The following RABGAP1L variants were observed in gnomAD, a reference collection of about 807,000 sequenced individuals.
The protein encoded by RABGAP1L is RAB GTPase activating protein 1 like.
In RABGAP1L, 63 loss-of-function variants were observed where a neutral mutation model predicts 137.7. The observed-to-expected ratio is 0.46, with a 90% CI of 0.37 to 0.56. RABGAP1L has a LOEUF of 0.56. RABGAP1L is among the 20% of genes least tolerant of loss of function. The pLI, the probability that RABGAP1L is intolerant of heterozygous loss-of-function variation, is 0.00. For synonymous variants in RABGAP1L, 431 were observed against 433.7 expected (o/e 0.99, Z 0.08); for missense variants, 1,095 against 1,244.0 (o/e 0.88, Z 1.80).
At chr1:174,705,008 G>A (rs940280616) in intron 17 of RABGAP1L, among the ~76,000 whole-genome samples, 2 of 152,054 alleles carry the variant, frequency 1.3e-5, no homozygotes, top group African/African-American at 4.8e-5. Context: ...GAAAGTGGGG[G>A]TATGACATTT....
At position 174,822,256 on chromosome 1, in the gene RABGAP1L, T is replaced by C. The variant is rs1038588714; in HGVS notation, c.2340+10296T>C. On this transcript the variant is annotated intron_variant, in intron 19 of 25. Transcript: ENST00000681986. The stretch of plus-strand genomic sequence containing the variant: ...AAGCCTGGGCAATGGAACAAGACTG[T>C]GTCTCAAACAAACAAAAAAAATTGA... Among the ~76,000 whole-genome samples, 3 of 152,236 alleles carry C rather than the reference T, an allele frequency of 2.0e-5. No homozygotes were observed. In the East Asian group the frequency reaches 5.8e-4, roughly 29 times the overall value.
At chr1:174,323,747 C>G (rs1031281995) in intron 11 of RABGAP1L, among the ~76,000 whole-genome samples, 4 of 152,092 alleles carry the variant, frequency 2.6e-5, no homozygotes, top group African/African-American at 9.7e-5. Flanking sequence ...TTTAAAGGAT[C>G]AGTTGTAGAA....
chr1:174,781,870 G>T (rs1573166545), intron 18 of RABGAP1L, among the ~76,000 whole-genome samples: 1 of 152,098 alleles, frequency 6.6e-6, no homozygotes, highest in African/African-American at 2.4e-5. Context: ...AAGATCAGAT[G>T]GTTGTAGATG....
intron 11 of RABGAP1L, among the ~76,000 whole-genome samples, chr1:174,349,487 C>T (rs1401745436): frequency 7.6e-6 from 1 of 132,350 alleles, no homozygotes; most frequent in Non-Finnish European, 1.6e-5. Context: ...CCAGACAGGG[C>T]GGCTGGCCGG....
At chr1:174,173,649 G>GT (rs1009879378) in intron 1 of RABGAP1L, among the ~76,000 whole-genome samples, 26 of 149,310 alleles carry the variant, frequency 1.7e-4, no homozygotes, top group East Asian at 5.9e-4. Context: ...ATTCTCTGTC[G>GT]TTTTTTTTTC....
At chr1:174,540,968 A>C (rs942382714) in intron 13 of RABGAP1L, among the ~76,000 whole-genome samples, 19 of 152,004 alleles carry the variant, frequency 1.2e-4, no homozygotes, top group African/African-American at 4.3e-4. Flanking sequence ...CTTTTATTTT[A>C]TTGAGCAGTG....
chr1:174,769,675 A>AG (rs1404704201), intron 18 of RABGAP1L, among the ~76,000 whole-genome samples: 1 of 152,212 alleles, frequency 6.6e-6, no homozygotes, highest in East Asian at 1.9e-4. Flanking sequence ...TAAAGCCAGG[A>AG]GGGGAGTTGG....
At chr1:174,877,370 C>A in intron 19 of RABGAP1L, 5 of 1,335,358 alleles carry the variant, frequency 3.7e-6, no homozygotes, top group East Asian at 3.1e-5. Context: ...GGATTTTTGA[C>A]ACTCCACCCC....
chr1:174,442,603 A>T (rs1466567524), intron 13 of RABGAP1L, among the ~76,000 whole-genome samples: 1 of 152,112 alleles, frequency 6.6e-6, no homozygotes, highest in African/African-American at 2.4e-5. Context: ...CATTTTTACA[A>T]TTAATAATAC....
chr1:174,476,461 A>G (rs902860273), intron 13 of RABGAP1L, among the ~76,000 whole-genome samples: 28 of 152,212 alleles, frequency 1.8e-4, no homozygotes, highest in African/African-American at 6.5e-4. Context: ...TTAAAGTAAA[A>G]GACAAAACAC....
intron 19 of RABGAP1L, among the ~76,000 whole-genome samples, chr1:174,935,896 G>A (rs1241648927): frequency 1.4e-5 from 2 of 147,712 alleles, no homozygotes; most frequent in Non-Finnish European, 3.0e-5. Flanking sequence ...CAGGAGAATC[G>A]CTTGAACCTG....
chr1:174,480,487 G>T (rs1460916836), intron 13 of RABGAP1L, among the ~76,000 whole-genome samples: 1 of 152,200 alleles, frequency 6.6e-6, no homozygotes, highest in African/African-American at 2.4e-5. Flanking sequence ...ATCAAGGCCA[G>T]CTCTGGACAG....
intron 4 of RABGAP1L, among the ~76,000 whole-genome samples, chr1:174,232,143 C>G (rs1408387130): frequency 1.3e-5 from 2 of 152,130 alleles, no homozygotes; most frequent in African/African-American, 2.4e-5. Context: ...TGGAAAGAAG[C>G]AAAATGGCTT....
intron 17 of RABGAP1L, among the ~76,000 whole-genome samples, chr1:174,750,638 T>TGGAAA (rs1405401451): frequency 6.6e-6 from 1 of 152,016 alleles, no homozygotes; most frequent in Non-Finnish European, 1.5e-5. Context: ...TGAAAGGATT[T>TGGAAA]GGAAAGGAAA....
At chr1:174,193,551 A>T (rs1667360318) in intron 1 of RABGAP1L, among the ~76,000 whole-genome samples, 1 of 151,936 alleles carries the variant, frequency 6.6e-6, no homozygotes, top group Admixed American at 6.6e-5. Context: ...AAAATAGAAA[A>T]CCTGTCTCCT....
At chr1:174,457,477 C>CTTTTTTT (rs746968960) in intron 13 of RABGAP1L, among the ~76,000 whole-genome samples, 1 of 107,496 alleles carries the variant, frequency 9.3e-6, no homozygotes, top group Non-Finnish European at 1.8e-5. Flanking sequence ...CAGGCATCAT[C>CTTTTTTT]TTTTTTTTTT....
At position 174,498,762 on chromosome 1, in the gene RABGAP1L, C is replaced by T. The variant is rs192039409; in HGVS notation, c.1710+104617C>T. ...GCGACCTCAAGTGACCTACCAACCT[C>T]GGCCTCCCAAAGTGCTAGGATTACA... On this transcript the variant is annotated intron_variant, in intron 13 of 25. Transcript: ENST00000681986. Among the ~76,000 whole-genome samples the T allele has an allele frequency of 6.8e-4, 103 of 151,672 alleles. 1 individual carries two copies. Among genetic ancestry groups the T allele is most frequent in the African/African-American group, 2.3e-3 (94 of 41,358 alleles).
At chr1:174,362,148 G>T (rs1429569463) in intron 11 of RABGAP1L, among the ~76,000 whole-genome samples, 1 of 152,172 alleles carries the variant, frequency 6.6e-6, no homozygotes, top group African/African-American at 2.4e-5. Flanking sequence ...ATTCCATTGT[G>T]TGTATGTGCC....
rs189440280 is a variant in RABGAP1L, at chr1:174,221,154, G to A, written c.321G>A (p.Pro107=). 68 of 1,601,340 alleles carry A rather than the reference G, an allele frequency of 4.2e-5. 1 individual carries two copies. The Admixed American group carries it at 7.9e-4, about 19-fold the overall frequency. Residue 107 remains proline (P), a synonymous_variant, in exon 3 of 26, where the codon CCG becomes CCA. Transcript: ENST00000681986. ...CATCTCTTCAGTTAATTTTGGATCC[G>A]TCTAACACAGGTACTGTATTGAATT... is the stretch of plus-strand genomic sequence containing the variant. ...NKPSLQLILD[P]SNTEISTPRP...
Sources: allele counts gnomAD v4.1 joint callset (sites outside exome capture counted in the v4.1 genomes callset), GRCh38; gene constraint gnomAD v4.1.1; transcripts MANE v1.5; gene names NCBI Gene and HGNC (gene_info 2026-07-23, HGNC 2026-07-21).